Variants in CEP63 observed in about 807,000 individuals in gnomAD.
CEP63 encodes centrosomal protein of 63 kDa.
A neutral mutation model predicts 89.1 loss-of-function variants in CEP63; 84 were observed. The observed-to-expected ratio is 0.94, with a 90% CI of 0.79 to 1.13. The LOEUF is 1.13. CEP63 is among the 50% of genes most tolerant of loss of function. The probability of loss-of-function intolerance (pLI) is 0.00; values close to 1 mark genes in which losing one functional copy is unlikely to be tolerated. For missense variants in CEP63, 838 were observed against 813.3 expected (o/e 1.03, Z -0.37); for synonymous variants, 267 against 272.5 (o/e 0.98, Z 0.20).
At chr3:134,633,659 G>A in the CEP63 span, among the ~76,000 whole-genome samples, 1 of 152,240 alleles carries the variant, frequency 6.6e-6, no homozygotes, top group African/African-American at 2.4e-5. Flanking sequence ...ATTTAATGGT[G>A]AAACATGGTT....
chr3:134,743,085 G>A, the CEP63 span, among the ~76,000 whole-genome samples: 1 of 152,146 alleles, frequency 6.6e-6, no homozygotes, highest in East Asian at 1.9e-4. Context: ...GCCTTGTGGG[G>A]GTCCCTCAGC....
the CEP63 span, among the ~76,000 whole-genome samples, chr3:134,710,364 G>A: frequency 1.3e-5 from 2 of 152,222 alleles, no homozygotes; most frequent in South Asian, 4.1e-4. Context: ...CAAGTGAAGG[G>A]AGGCTGTGTG....
chr3:134,548,878 A>G (rs1300227015), intron 9 of CEP63, among the ~76,000 whole-genome samples, 184 bp from the exon 10 acceptor site: 1 of 152,190 alleles, frequency 6.6e-6, no homozygotes, highest in Non-Finnish European at 1.5e-5. Flanking sequence ...CGTTGGGACA[A>G]CAGTTTACAT....
the CEP63 span, chr3:134,610,734 C>A: frequency 3.5e-5 from 7 of 199,372 alleles, no homozygotes; most frequent in Non-Finnish European, 7.0e-5. Flanking sequence ...TGGGGGCAAG[C>A]GTGAGGCTGG....
intron 3 of CEP63, among the ~76,000 whole-genome samples, chr3:134,521,015 A>G (rs984706407): frequency 1.2e-4 from 19 of 152,188 alleles, no homozygotes; most frequent in African/African-American, 4.8e-5. Context: ...AGACTATATT[A>G]AAATAATGAA....
the CEP63 span, among the ~76,000 whole-genome samples, chr3:134,623,681 G>A: frequency 6.6e-6 from 1 of 152,026 alleles, no homozygotes; most frequent in African/African-American, 2.4e-5. Flanking sequence ...CCACCCACCT[G>A]AGGACTGAGG....
In CEP63 at chr3:134,496,016, A is replaced by G. The variant is rs1171971037; in HGVS notation, c.44+652A>G. On this transcript the variant is annotated intron_variant, in intron 2 of 14. Coordinates refer to ENST00000675561, the MANE Select transcript of CEP63 (RefSeq NM_001353108.3). ...CAATTCCATATCTTGGTTATTGTGA[A>G]TAATGCTGCAATAAACATGGGGGTA... 8.5e-5 allele frequency among the ~76,000 whole-genome samples: 13 copies of G among 152,332 alleles called. No individual in the cohort carries two copies. The East Asian group carries it at 2.5e-3, about 29-fold the overall frequency.
At chr3:134,592,169 C>T (rs1443203654), downstream of CEP63, among the ~76,000 whole-genome samples, 1 of 152,164 alleles carries the variant, frequency 6.6e-6, no homozygotes, top group Admixed American at 6.5e-5. Flanking sequence ...CAGGAGGACT[C>T]ACTCAGTTCC....
At chr3:134,647,970 A>G in the CEP63 span, among the ~76,000 whole-genome samples, 3 of 152,322 alleles carry the variant, frequency 2.0e-5, no homozygotes, top group South Asian at 4.1e-4. Flanking sequence ...CCTTGCAGCT[A>G]GAGGGTAAAC....
chr3:134,612,137 C>A, the CEP63 span, among the ~76,000 whole-genome samples: 1 of 152,148 alleles, frequency 6.6e-6, no homozygotes, highest in East Asian at 1.9e-4. Context: ...AGTTTTCTAG[C>A]CCCCGCCCTT....
the CEP63 span, among the ~76,000 whole-genome samples, chr3:134,730,391 C>A: frequency 6.6e-6 from 1 of 152,000 alleles, no homozygotes; most frequent in Non-Finnish European, 1.5e-5. Context: ...GGTAAGTCCA[C>A]CTGGTTGTAA....
At chr3:134,660,988 G>T in the CEP63 span, among the ~76,000 whole-genome samples, 2 of 152,150 alleles carry the variant, frequency 1.3e-5, no homozygotes, top group African/African-American at 2.4e-5. Context: ...TATGGGCAAG[G>T]CTGGAATGCA....
the CEP63 span, among the ~76,000 whole-genome samples, chr3:134,772,274 T>G: frequency 2.4e-5 from 1 of 41,238 alleles, no homozygotes; most frequent in Non-Finnish European, 5.1e-5. Flanking sequence ...AGACACCCCG[T>G]GCAGCTGTGC....
At chr3:134,727,379 C>CTAGT in the CEP63 span, among the ~76,000 whole-genome samples, 6 of 152,326 alleles carry the variant, frequency 3.9e-5, no homozygotes, top group African/African-American at 1.4e-4. Flanking sequence ...GCCTGGGAGA[C>CTAGT]TAGTTGTTTA....
the CEP63 span, among the ~76,000 whole-genome samples, chr3:134,662,169 C>T: frequency 6.6e-6 from 1 of 151,886 alleles, no homozygotes; most frequent in Admixed American, 6.6e-5. Context: ...CCCAGCTACC[C>T]AGGAGGCTGA....
chr3:134,505,882 T>G (rs751711535), intron 2 of CEP63, among the ~76,000 whole-genome samples: 1 of 152,198 alleles, frequency 6.6e-6, no homozygotes, highest in Non-Finnish European at 1.5e-5. Context: ...AAAAAACTTA[T>G]CTGAGTTGTG....
the CEP63 span, among the ~76,000 whole-genome samples, chr3:134,682,205 G>A: frequency 6.6e-6 from 1 of 152,184 alleles, no homozygotes; most frequent in Non-Finnish European, 1.5e-5. Context: ...TCATTTAGGA[G>A]CGGGTCAGGA....
chr3:134,549,609 A>G (rs1954357669), intron 10 of CEP63, among the ~76,000 whole-genome samples: 1 of 152,156 alleles, frequency 6.6e-6, no homozygotes, highest in African/African-American at 2.4e-5. Context: ...TTGTGTCTAT[A>G]TGAATGGGCC....
intron 7 of CEP63, 74 bp downstream of exon 7, chr3:134,545,893 C>A (rs1953189529): frequency 8.9e-7 from 1 of 1,124,572 alleles, no homozygotes; most frequent in Non-Finnish European, 1.3e-6. Flanking sequence ...TAAGCTAGAA[C>A]TAGGTTCTAC....
Sources: allele counts gnomAD v4.1 joint callset (sites outside exome capture counted in the v4.1 genomes callset), GRCh38; gene constraint gnomAD v4.1.1; transcripts MANE v1.5; gene names NCBI Gene and HGNC (gene_info 2026-07-23, HGNC 2026-07-21).